RAD51B: variants seen among roughly 807,000 people sequenced by gnomAD.
The protein encoded by RAD51B is RAD51 paralog B, also known as DNA repair protein RAD51 homolog 2.
In RAD51B, 38 loss-of-function variants were observed where a neutral mutation model predicts 42.2. That is an observed-to-expected ratio of 0.90 (90% CI 0.70 to 1.18). The LOEUF (loss-of-function observed/expected upper bound fraction) is 1.18, where lower values mean the gene tolerates loss of function less well. Among genes scored for constraint, RAD51B ranks in the 50% most tolerant of loss-of-function variants. The pLI, the probability that RAD51B is intolerant of heterozygous loss-of-function variation, is 0.00. For synonymous variants in RAD51B, 154 were observed against 145.2 expected (o/e 1.06, Z -0.43); for missense variants, 373 against 400.7 (o/e 0.93, Z 0.59).
intron 7 of RAD51B, among the ~76,000 whole-genome samples, chr14:68,213,819 C>T (rs1431093127): frequency 6.6e-6 from 1 of 152,060 alleles, no homozygotes; most frequent in Admixed American, 6.5e-5. Flanking sequence ...GAACTAATGT[C>T]AGGCTGGAAA....
intron 8 of RAD51B, among the ~76,000 whole-genome samples, chr14:68,388,565 A>T: frequency 6.6e-6 from 1 of 152,036 alleles, no homozygotes; most frequent in Non-Finnish European, 1.5e-5. Flanking sequence ...TCTCTCCTTT[A>T]CTGTCCCTCA....
rs1048917427 is a variant in RAD51B, at chr14:67,999,527, G to A, written c.756+112323G>A. On this transcript the variant is annotated intron_variant, in intron 7 of 10. Coordinates refer to ENST00000471583, the MANE Select transcript of RAD51B (RefSeq NM_133510.4). ...TAAAGGCAGCATGAAATTATATAAA[G>A]GCCATAGACTTTGAAATCAGATAGG... Among the ~76,000 whole-genome samples the A allele has an allele frequency of 2.6e-5, 4 of 152,112 alleles. 1 individual carries two copies. The highest frequency in any genetic ancestry group is 4.1e-4 in the South Asian group (2 of 4,830).
At chr14:68,336,687 T>G (rs2082461823) in intron 8 of RAD51B, among the ~76,000 whole-genome samples, 1 of 152,232 alleles carries the variant, frequency 6.6e-6, no homozygotes, top group Non-Finnish European at 1.5e-5. Context: ...AATGCATCTA[T>G]TAAACAGTGT....
At chr14:68,196,213 T>A (rs2079370774) in intron 7 of RAD51B, among the ~76,000 whole-genome samples, 1 of 151,990 alleles carries the variant, frequency 6.6e-6, no homozygotes, top group East Asian at 1.9e-4. Context: ...AAAAATTATA[T>A]TCCTTTGTCG....
At chr14:68,617,455 CCAGACTTACAAAGCTTCACT>C (rs1323825047) in intron 10 of RAD51B, among the ~76,000 whole-genome samples, 1 of 152,102 alleles carries the variant, frequency 6.6e-6, no homozygotes, top group African/African-American at 2.4e-5. Flanking sequence ...CATTCTTTGC[CCAGACTTACAAAGCTTCACT>C]CTGGGTATGA....
At chr14:68,356,325 C>T (rs1281967632) in intron 8 of RAD51B, among the ~76,000 whole-genome samples, 1 of 151,304 alleles carries the variant, frequency 6.6e-6, no homozygotes, top group Non-Finnish European at 1.5e-5. Flanking sequence ...GTCCCAGCTA[C>T]TCCGGAGGCT....
At chr14:67,844,141 C>T (rs538850695) in intron 4 of RAD51B, among the ~76,000 whole-genome samples, 1 of 151,954 alleles carries the variant, frequency 6.6e-6, no homozygotes, top group East Asian at 1.9e-4. Context: ...TGTTTATTTC[C>T]ATGTAATTGT....
At chr14:68,260,318 T>TGTGGGGGGGGGGGG (rs1049368684) in intron 7 of RAD51B, among the ~76,000 whole-genome samples, 1 of 128,044 alleles carries the variant, frequency 7.8e-6, no homozygotes, top group African/African-American at 4.9e-5. Context: ...TGTGTGTGTG[T>TGTGGGGGGGGGGGG]GGAGAGGGGA....
chr14:68,301,717 C>T lies in RAD51B; in HGVS notation c.853+9737C>T, dbSNP rs2081744098. 2.0e-5 allele frequency among the ~76,000 whole-genome samples: 3 copies of T among 151,834 alleles called. No individual in the cohort carries two copies. The South Asian group carries it at 6.2e-4, about 32-fold the overall frequency. The stretch of plus-strand genomic sequence containing the variant: ...ACTCAAGCAATTCCCATGCCTCAGC[C>T]TCCTGAGTAGCTGGGATTACAGGCA... On this transcript the variant is annotated intron_variant, in intron 8 of 10. Transcript: ENST00000471583.
In RAD51B at chr14:68,490,844, A is replaced by G. The variant is rs577712471; in HGVS notation, c.1036+22594A>G. Among the ~76,000 whole-genome samples the G allele has an allele frequency of 1.4e-3, 217 of 152,288 alleles. 1 individual carries two copies. Among genetic ancestry groups the G allele is most frequent in the Admixed American group, 3.7e-3 (57 of 15,302 alleles). On this transcript the variant is annotated intron_variant, in intron 10 of 10. Transcript: ENST00000487270. ...TGCAGGAAGGACAGCAGAGAGAAAG[A>G]TGGACCTTGGAGAGGCCAAGGGGAG...
rs189724619 is a variant in RAD51B, at chr14:68,397,207, C to T, written c.854-14217C>T. Among the ~76,000 whole-genome samples, 7 of 152,332 alleles carry T rather than the reference C, an allele frequency of 4.6e-5. No homozygotes were observed. The East Asian group carries it at 1.2e-3, about 25-fold the overall frequency. ...AAAGTTGGTAGTCTTGATCACTTTG[C>T]GGATGCTGGTCATTTGCAGTAAACC... is the stretch of plus-strand genomic sequence containing the variant. On this transcript the variant is annotated intron_variant, in intron 8 of 10. Coordinates refer to ENST00000471583, the MANE Select transcript of RAD51B (RefSeq NM_133510.4).
intron 7 of RAD51B, among the ~76,000 whole-genome samples, chr14:68,209,563 A>G (rs1338067033): frequency 6.6e-6 from 1 of 152,184 alleles, no homozygotes; most frequent in Non-Finnish European, 1.5e-5. Context: ...CCAACATTTA[A>G]AAGAGCAGAA....
intron 7 of RAD51B, among the ~76,000 whole-genome samples, chr14:68,116,463 G>A (rs1344041875): frequency 3.3e-5 from 5 of 151,914 alleles, no homozygotes; most frequent in Non-Finnish European, 5.9e-5. Context: ...TAAAATCAGA[G>A]TAATAGAAGC....
chr14:68,353,961 C>T (rs1316885242), intron 8 of RAD51B, among the ~76,000 whole-genome samples: 1 of 152,186 alleles, frequency 6.6e-6, no homozygotes, highest in Non-Finnish European at 1.5e-5. Flanking sequence ...CACATGTATA[C>T]GTTCCACCTG....
intron 8 of RAD51B, among the ~76,000 whole-genome samples, chr14:68,324,222 G>A (rs752135531): frequency 7.2e-5 from 11 of 152,176 alleles, no homozygotes; most frequent in Non-Finnish European, 1.6e-4. Context: ...AGTCCACTCA[G>A]TGTTAGAATG....
At chr14:68,222,569 A>AC (rs2079951687) in intron 7 of RAD51B, among the ~76,000 whole-genome samples, 1 of 152,190 alleles carries the variant, frequency 6.6e-6, no homozygotes, top group Admixed American at 6.5e-5. Context: ...CACATTAGGT[A>AC]CAGTGTACAC....
In RAD51B at chr14:67,960,114, T is replaced by TTG. The variant is rs367761490; in HGVS notation, c.756+72922_756+72923dup. Among the ~76,000 whole-genome samples, 745 of 151,610 alleles carry TTG rather than the reference T, an allele frequency of 4.9e-3. 10 individuals carry two copies. Among genetic ancestry groups the TTG allele is most frequent in the African/African-American group, 0.016 (648 of 41,376 alleles). On this transcript the variant is annotated intron_variant, in intron 7 of 10. Coordinates refer to ENST00000471583, the MANE Select transcript of RAD51B (RefSeq NM_133510.4). ...AAAAAAAAGAAGTGTGTGTGTATGTTTGTGTGTGTGTGTATAATAGAAATA... is the reference window on the plus strand; with the variant it reads ...AAAAAAAAGAAGTGTGTGTGTATGTTTGTGTGTGTGTGTGTATAATAGAAATA...
intron 7 of RAD51B, among the ~76,000 whole-genome samples, chr14:67,909,054 G>A (rs1392240666): frequency 1.3e-5 from 2 of 152,126 alleles, no homozygotes; most frequent in African/African-American, 2.4e-5. Context: ...ACAAGCTTGT[G>A]TATTAAAACT....
At chr14:67,960,860 G>A (rs1439429081) in intron 7 of RAD51B, among the ~76,000 whole-genome samples, 1 of 152,010 alleles carries the variant, frequency 6.6e-6, no homozygotes, top group South Asian at 2.1e-4. Flanking sequence ...GTAGAGACAG[G>A]GTCTGACTTT....
Sources: allele counts gnomAD v4.1 joint callset (sites outside exome capture counted in the v4.1 genomes callset), GRCh38; gene constraint gnomAD v4.1.1; transcripts MANE v1.5; gene names NCBI Gene and HGNC (gene_info 2026-07-23, HGNC 2026-07-21).